KLRG1: variants seen among roughly 807,000 people sequenced by gnomAD.
The protein encoded by KLRG1 is killer cell lectin like receptor G1.
In KLRG1, 16 loss-of-function variants were observed where a neutral mutation model predicts 21.8. That is an observed-to-expected ratio of 0.73 (90% CI 0.50 to 1.11). The LOEUF (loss-of-function observed/expected upper bound fraction) is 1.11, where lower values mean the gene tolerates loss of function less well. KLRG1 is among the 50% of genes most tolerant of loss of function. KLRG1 has a pLI of 0.00. For synonymous variants in KLRG1, 69 were observed against 75.9 expected, an observed-to-expected ratio of 0.91 and a Z score of 0.47; for missense variants, 173 against 218.3, an observed-to-expected ratio of 0.79 and a Z score of 1.31.
chr12:9,039,650 CTT>C, the KLRG1 span, among the ~76,000 whole-genome samples: 1 of 152,162 alleles, frequency 6.6e-6, no homozygotes, highest in Admixed American at 6.6e-5. Context: ...AGTCCAGTGA[CTT>C]TTCAGAGGGT....
At chr12:9,005,252 A>G (rs747696847) in intron 3 of KLRG1, among the ~76,000 whole-genome samples, 10 of 152,178 alleles carry the variant, frequency 6.6e-5, no homozygotes, top group Non-Finnish European at 7.3e-5. Flanking sequence ...TACCTAATGT[A>G]GGTGACTAGT....
the KLRG1 span, among the ~76,000 whole-genome samples, chr12:9,151,274 A>T: frequency 6.6e-6 from 1 of 152,100 alleles, no homozygotes; most frequent in African/African-American, 2.4e-5. Context: ...AGTCCTATTG[A>T]TTTATCACTT....
the KLRG1 span, among the ~76,000 whole-genome samples, chr12:9,147,669 G>T: frequency 1.3e-5 from 2 of 152,120 alleles, no homozygotes; most frequent in Non-Finnish European, 2.9e-5. Context: ...TCATCTTGCT[G>T]ACTTCACTTC....
At chr12:9,013,334 T>C (rs973999814), downstream of KLRG1, among the ~76,000 whole-genome samples, 2 of 152,080 alleles carry the variant, frequency 1.3e-5, no homozygotes, top group African/African-American at 4.8e-5. Flanking sequence ...TCCACAAGCA[T>C]CAAGACCATC....
intron 1 of KLRG1, among the ~76,000 whole-genome samples, chr12:8,972,196 C>T (rs767552567): frequency 6.6e-6 from 1 of 151,984 alleles, no homozygotes; most frequent in Non-Finnish European, 1.5e-5. Flanking sequence ...CTCGCTCTGT[C>T]GCCCAGGCTA....
chr12:9,079,747 G>A, the KLRG1 span: 1 of 1,613,576 alleles, frequency 6.2e-7, no homozygotes, highest in African/African-American at 1.3e-5. Flanking sequence ...ACCATATTCT[G>A]CTCTCCACAG....
the KLRG1 span, among the ~76,000 whole-genome samples, chr12:9,088,505 G>T: frequency 6.6e-6 from 1 of 152,050 alleles, no homozygotes; most frequent in Non-Finnish European, 1.5e-5. Context: ...CATTTTATGT[G>T]TTACATCTTG....
the KLRG1 span, chr12:9,161,224 C>T: frequency 2.2e-6 from 2 of 906,020 alleles, no homozygotes; most frequent in Non-Finnish European, 3.3e-6. Context: ...GGATATGGTA[C>T]TGGCCCTGCT....
At chr12:9,111,605 TC>T in the KLRG1 span, 2 of 450,184 alleles carry the variant, frequency 4.4e-6, no homozygotes, top group Non-Finnish European at 8.9e-6. Context: ...TAATCTTTTG[TC>T]TTTGGAGCTA....
chr12:9,001,636 G>A (rs755447679), intron 3 of KLRG1, among the ~76,000 whole-genome samples: 3 of 152,144 alleles, frequency 2.0e-5, no homozygotes, highest in Non-Finnish European at 2.9e-5. Flanking sequence ...GCTGTCCATC[G>A]TGAGTGTTGC....
In KLRG1 at chr12:9,004,406, G is replaced by A. The variant is rs145440283; in HGVS notation, c.358-4569G>A. Among the ~76,000 whole-genome samples, 534 of 152,262 alleles carry A rather than the reference G, an allele frequency of 3.5e-3. 2 individuals carry two copies. Among genetic ancestry groups the A allele is most frequent in the Middle Eastern group, 0.021 (6 of 292 alleles). On this transcript the variant is annotated intron_variant, in intron 3 of 4. Transcript: ENST00000356986. ...TTAATGATTGCCATGTGTTCAGAGA[G>A]TTTTAACTTCTTGCAGCATAATACC...
chr12:9,152,312 T>C, the KLRG1 span: 34 of 1,608,058 alleles, frequency 2.1e-5, no homozygotes, highest in Non-Finnish European at 2.7e-5. Flanking sequence ...CCTGTGTAAC[T>C]GTAGTGTCAA....
chr12:9,100,039 TGA>T, the KLRG1 span, among the ~76,000 whole-genome samples: 2 of 152,194 alleles, frequency 1.3e-5, no homozygotes, highest in Admixed American at 6.5e-5. Flanking sequence ...CAAGAACTAA[TGA>T]GAGAGTAGAT....
the KLRG1 span, chr12:9,163,557 T>C: frequency 8.0e-7 from 1 of 1,244,500 alleles, no homozygotes; most frequent in African/African-American, 1.5e-5. Flanking sequence ...ATTCCATTAG[T>C]CTTACAGGAT....
the KLRG1 span, among the ~76,000 whole-genome samples, chr12:9,088,255 GTT>G: frequency 6.8e-6 from 1 of 148,070 alleles, no homozygotes; most frequent in East Asian, 2.0e-4. Flanking sequence ...GTGATGTTCT[GTT>G]TTTTTTTTTA....
chr12:9,019,923 T>C, the KLRG1 span, among the ~76,000 whole-genome samples: 1 of 152,122 alleles, frequency 6.6e-6, no homozygotes, highest in African/African-American at 2.4e-5. Context: ...AACTTTCTTG[T>C]CTCTGTTAAC....
At chr12:9,116,147 A>G in the KLRG1 span, 5 of 377,124 alleles carry the variant, frequency 1.3e-5, no homozygotes, top group Non-Finnish European at 2.6e-5. Flanking sequence ...ACAGCAGCTA[A>G]TAAGCTTTTC....
At chr12:9,139,447 C>T in the KLRG1 span, among the ~76,000 whole-genome samples, 51 of 152,204 alleles carry the variant, frequency 3.4e-4, no homozygotes, top group African/African-American at 1.1e-3. Flanking sequence ...TCCATTTGGT[C>T]TATTGTGTTA....
intron 1 of KLRG1, among the ~76,000 whole-genome samples, chr12:8,977,446 C>A (rs919033648): frequency 7.5e-5 from 11 of 146,996 alleles, no homozygotes; most frequent in Non-Finnish European, 1.7e-4. Context: ...GATCTCCTGA[C>A]CTTGTGATCT....
Sources: gnomAD v4.1 joint callset for allele counts (sites outside exome capture counted in the v4.1 genomes callset) on GRCh38, gnomAD v4.1.1 for gene constraint, MANE v1.5 for transcripts, NCBI Gene and HGNC (gene_info 2026-07-23, HGNC 2026-07-21) for gene names.